Variants in FAAP20 observed in about 807,000 individuals in gnomAD.
FAAP20 encodes FA core complex associated protein 20.
Under a neutral mutation model 16.2 loss-of-function variants are expected in FAAP20, and 12 were observed. The observed-to-expected ratio is 0.74, with a 90% confidence interval of 0.48 to 1.20. FAAP20 has a LOEUF of 1.20. Among genes scored for constraint, FAAP20 ranks in the 50% most tolerant of loss-of-function variants. The pLI, the probability that FAAP20 is intolerant of heterozygous loss-of-function variation, is 0.00. For synonymous variants in FAAP20, 141 were observed against 110.7 expected (o/e 1.27, Z -1.72); for missense variants, 288 against 245.8 (o/e 1.17, Z -1.15).
At chr1:2,189,294 T>G (rs1275994595), downstream of FAAP20, among the ~76,000 whole-genome samples, 1 of 148,146 alleles carries the variant, frequency 6.8e-6, no homozygotes, top group Non-Finnish European at 1.5e-5. Context: ...ATTGCACCAC[T>G]GCACTCCAGC....
downstream of FAAP20, chr1:2,184,868 C>A: frequency 6.6e-7 from 1 of 1,513,330 alleles, no homozygotes; most frequent in South Asian, 1.1e-5. Context: ...TCCGCTTCCC[C>A]CAAGGGAATG....
chr1:2,189,465 C>T, downstream of FAAP20: 1 of 562,930 alleles, frequency 1.8e-6, no homozygotes, highest in Non-Finnish European at 3.2e-6. Context: ...GGGTCAGCTT[C>T]CCCGCCTGGG....
Position 2,189,607 on chromosome 1 carries a change from G to A in FAAP20, c.*102C>T, listed in dbSNP as rs1687928150. 1 of 861,544 alleles carries A rather than the reference G, an allele frequency of 1.2e-6. No individual in the cohort carries two copies. The highest frequency in any genetic ancestry group is 1.8e-6 in the Non-Finnish European group (1 of 545,784). 53.4% of individuals were successfully genotyped at this position (861,544 alleles called of 1,614,324 possible). A position where few individuals can be genotyped will look rare whatever the true frequency, so the allele number is the denominator to read the frequency against. ...CCTGCTTTAATGCGCATGCGGGGGA[G>A]CCGAGAGGCGGGGCTGCTGGCGGGG... On this transcript the variant is annotated 3_prime_UTR_variant, in exon 4 of 4. Transcript: ENST00000378546.
At chr1:2,211,424 TATATATATATA>T (rs1232065748), downstream of FAAP20, among the ~76,000 whole-genome samples, 5 of 30,728 alleles carry the variant, frequency 1.6e-4, no homozygotes, top group South Asian at 1.3e-3. Context: ...TATATATATA[TATATATATATA>T]TTTTTTTTTT....
rs566273372 is a variant in FAAP20 at position 2,192,153 on chromosome 1, C to G, written c.470+1486G>C. The G allele has an allele frequency of 5.6e-5, 55 of 985,694 alleles. No homozygotes were observed. In the African/African-American group the frequency reaches 9.4e-4, roughly 17 times the overall value. 61.1% of individuals were successfully genotyped at this position (985,694 alleles called of 1,614,324 possible). On this transcript the variant is annotated intron_variant, in intron 3 of 3. Coordinates refer to ENST00000378546, the MANE Select transcript of FAAP20 (RefSeq NM_182533.4). ...CCCTCCAATCCAGGCGGCCTCCCTGCTGGGGTCCTGTGCGGTCAGGAGTCC... is the reference window on the plus strand; with the variant it reads ...CCCTCCAATCCAGGCGGCCTCCCTGGTGGGGTCCTGTGCGGTCAGGAGTCC...
downstream of FAAP20, chr1:2,184,630 C>T (rs377447072): frequency 2.8e-5 from 45 of 1,613,982 alleles, no homozygotes; most frequent in Non-Finnish European, 2.9e-5. Context: ...AGATCACAGA[C>T]GACTACGGTC....
At chr1:2,185,744 A>G (rs1003369547), downstream of FAAP20, among the ~76,000 whole-genome samples, 6 of 152,180 alleles carry the variant, frequency 3.9e-5, no homozygotes, top group African/African-American at 1.4e-4. Flanking sequence ...AAAACTGAAC[A>G]CTAAATCTGC....
upstream of FAAP20, chr1:2,201,318 G>A (rs775177603): frequency 7.0e-5 from 70 of 1,003,062 alleles, no homozygotes; most frequent in East Asian, 1.6e-4. Context: ...CTGTAGGCTC[G>A]AAGGCACAGC....
At chr1:2,189,379 A>G (rs1384005232), downstream of FAAP20, among the ~76,000 whole-genome samples, 1 of 151,294 alleles carries the variant, frequency 6.6e-6, no homozygotes, top group Non-Finnish European at 1.5e-5. Flanking sequence ...TGAGCTAACC[A>G]CGCCTGTCCA....
chr1:2,184,845 AT>A (rs910180944), downstream of FAAP20: 1 of 1,432,532 alleles, frequency 7.0e-7, no homozygotes, highest in Non-Finnish European at 9.7e-7. Flanking sequence ...GAGGATTCTT[AT>A]GCGAACGTGA....
upstream of FAAP20, chr1:2,199,264 C>T: frequency 8.9e-7 from 1 of 1,119,064 alleles, no homozygotes; most frequent in Non-Finnish European, 1.1e-6. This position sits in a 1 kb window ranked among gnomAD's most constrained non-coding sequence, Gnocchi z 4.5. Context: ...CCGGTTCACA[C>T]CCTCCCACAG....
chr1:2,193,768 G>T lies in FAAP20; in HGVS notation c.341C>A (p.Pro114His), dbSNP rs753932361. 6.3e-7 allele frequency: 1 copy of T among 1,595,170 alleles called. No homozygotes were observed. The highest frequency in any genetic ancestry group is 8.5e-7 in the Non-Finnish European group (1 of 1,174,392). Residue 114 changes from proline (P) to histidine (H), a missense_variant, in exon 3 of 4, where the codon CCC becomes CAC. Coordinates refer to ENST00000378546, the MANE Select transcript of FAAP20 (RefSeq NM_182533.4). ...LHGAGGHLES[P>H]ARSLPQRPAP... ...CGGGCGCTGGGGCAGGGACCTGGCGGGGGATTCCAGGTGCCCTCCTGCCCC... is the reference window on the plus strand; with the variant it reads ...CGGGCGCTGGGGCAGGGACCTGGCGTGGGATTCCAGGTGCCCTCCTGCCCC...
downstream of FAAP20, chr1:2,189,544 G>C (rs1398175539): frequency 1.6e-6 from 1 of 642,978 alleles, no homozygotes; most frequent in Non-Finnish European, 2.8e-6. Flanking sequence ...AAAAGCGGCA[G>C]ACGTTTCATC....
At chr1:2,211,252 G>A (rs1157733542), downstream of FAAP20, among the ~76,000 whole-genome samples, 11 of 131,906 alleles carry the variant, frequency 8.3e-5, no homozygotes, top group African/African-American at 1.1e-4. Flanking sequence ...TTTTTGAGAC[G>A]GAGTTTCGCT....
intron 3 of FAAP20, chr1:2,191,788 AAC>A: frequency 1.0e-6 from 1 of 975,380 alleles, no homozygotes; most frequent in Non-Finnish European, 1.2e-6. Context: ...TCGCCACATC[AAC>A]AGAGACAAAA....
upstream of FAAP20, chr1:2,199,039 C>G (rs1385854315): frequency 4.9e-6 from 6 of 1,235,356 alleles, no homozygotes; most frequent in Non-Finnish European, 5.2e-6. This position sits in a 1 kb window ranked among gnomAD's most constrained non-coding sequence, Gnocchi z 4.5. Flanking sequence ...CCGACAGCCT[C>G]CTCACAGCCT....
Position 2,193,983 on chromosome 1 carries a change from GC to G in FAAP20, c.198+14del. The G allele has an allele frequency of 1.2e-6, 2 of 1,612,478 alleles. No individual in the cohort carries two copies. ...GGAAACCCCTTCATCGCTAAGATGGGCCCAGTGGGCACACCTGTCCTGGGAA... is the reference window on the plus strand; with the variant it reads ...GGAAACCCCTTCATCGCTAAGATGGGCCAGTGGGCACACCTGTCCTGGGAA... On this transcript the variant is annotated intron_variant, in intron 2 of 3. Coordinates refer to ENST00000378546, the MANE Select transcript of FAAP20 (RefSeq NM_182533.4).
At chr1:2,186,255 G>C, downstream of FAAP20, 1 of 282,244 alleles carries the variant, frequency 3.5e-6, no homozygotes, top group Non-Finnish European at 7.3e-6. Context: ...GGTGGCTTGG[G>C]GAAGAGAGAC....
chr1:2,192,532 G>A lies in FAAP20; in HGVS notation c.470+1107C>T, dbSNP rs1039379224. On this transcript the variant is annotated intron_variant, in intron 3 of 3. Coordinates refer to ENST00000378546, the MANE Select transcript of FAAP20 (RefSeq NM_182533.4). ...GATGCAAAGACAAAAGCCCCTCCCC[G>A]GGGGGCGGGGGGCAGCACCCTGACA... 1.3e-4 allele frequency: 131 copies of A among 1,002,336 alleles called. No homozygotes were observed. In the South Asian group the frequency reaches 1.3e-3, roughly 10 times the overall value. 62.1% of individuals were successfully genotyped at this position (1,002,336 alleles called of 1,614,324 possible). A position where few individuals can be genotyped will look rare whatever the true frequency, so the allele number is the denominator to read the frequency against.
Sources: gnomAD v4.1 joint callset for allele counts (sites outside exome capture counted in the v4.1 genomes callset) on GRCh38, gnomAD v4.1.1 for gene constraint, Gnocchi (gnomAD v3.1) non-coding constraint, MANE v1.5 for transcripts, NCBI Gene and HGNC (gene_info 2026-07-23, HGNC 2026-07-21) for gene names.